The following GATAD1 variants were observed in gnomAD, a reference collection of about 807,000 sequenced individuals.
GATAD1 encodes the protein GATA zinc finger domain containing 1.
A neutral mutation model predicts 26.5 loss-of-function variants in GATAD1; 12 were observed. That is an observed-to-expected ratio of 0.45 (90% CI 0.29 to 0.73). GATAD1 has a LOEUF of 0.73. Ranked by LOEUF, GATAD1 falls within the 30% of genes least tolerant of loss-of-function variation. GATAD1 has a pLI of 0.10. For synonymous variants in GATAD1, 129 were observed against 133.1 expected (o/e 0.97, Z 0.21); for missense variants, 266 against 342.1 (o/e 0.78, Z 1.75).
chr7:92,466,859 C>G, the GATAD1 span, among the ~76,000 whole-genome samples: 1 of 152,116 alleles, frequency 6.6e-6, no homozygotes, highest in South Asian at 2.1e-4. Flanking sequence ...ACTTTTATAG[C>G]TTGGTGCAAG....
At chr7:92,462,136 G>A (rs530725252), downstream of GATAD1, among the ~76,000 whole-genome samples, 1 of 152,096 alleles carries the variant, frequency 6.6e-6, no homozygotes, top group Non-Finnish European at 1.5e-5. Context: ...GATTTAAAAT[G>A]TGGACCAAAA....
chr7:92,462,161 G>C (rs1789942449), downstream of GATAD1, among the ~76,000 whole-genome samples: 1 of 152,112 alleles, frequency 6.6e-6, no homozygotes, highest in African/African-American at 2.4e-5. Flanking sequence ...GGTATAAAAA[G>C]AAGTTGTTAA....
the GATAD1 span, chr7:92,492,856 G>T: frequency 1.1e-6 from 1 of 929,348 alleles, no homozygotes; most frequent in Non-Finnish European, 1.8e-6. Flanking sequence ...TTTTACCAAA[G>T]TTGTTTAAAA....
At chr7:92,480,390 C>T in the GATAD1 span, among the ~76,000 whole-genome samples, 14 of 148,226 alleles carry the variant, frequency 9.4e-5, no homozygotes, top group East Asian at 9.9e-4. Context: ...GGCAAATCCC[C>T]GAGCTTGATG....
At chr7:92,467,848 A>T in the GATAD1 span, among the ~76,000 whole-genome samples, 1 of 152,348 alleles carries the variant, frequency 6.6e-6, no homozygotes, top group Non-Finnish European at 1.5e-5. Context: ...TCAGGCAGAA[A>T]AACACCTAGG....
At chr7:92,453,768 G>A (rs923621125) in intron 3 of GATAD1, among the ~76,000 whole-genome samples, 1 of 152,206 alleles carries the variant, frequency 6.6e-6, no homozygotes, top group Non-Finnish European at 1.5e-5. Flanking sequence ...AGACAGTACA[G>A]AGAAAAGACT....
chr7:92,448,715 C>A (rs1789283928), intron 1 of GATAD1, 37 bp from the exon 2 acceptor site: 2 of 1,575,188 alleles, frequency 1.3e-6, no homozygotes, highest in Non-Finnish European at 1.7e-6. Flanking sequence ...CTTTTTACTT[C>A]TTTCTCTTTT....
the GATAD1 span, chr7:92,492,923 A>G: frequency 3.8e-6 from 6 of 1,568,620 alleles, no homozygotes; most frequent in Non-Finnish European, 5.3e-6. Flanking sequence ...CACTCATAAA[A>G]TGTCATAACA....
chr7:92,495,407 T>G, the GATAD1 span, among the ~76,000 whole-genome samples: 1 of 152,164 alleles, frequency 6.6e-6, no homozygotes, highest in African/African-American at 2.4e-5. Context: ...TATCTGCTAC[T>G]TGAATGTTTG....
At chr7:92,470,612 G>A in the GATAD1 span, 1 of 443,410 alleles carries the variant, frequency 2.3e-6, no homozygotes, top group Non-Finnish European at 4.1e-6. Context: ...GATGTATCTA[G>A]GGATGGGGAA....
chr7:92,453,071 G>T (rs553305736), intron 3 of GATAD1, among the ~76,000 whole-genome samples: 2 of 152,322 alleles, frequency 1.3e-5, no homozygotes, highest in South Asian at 4.1e-4. Context: ...TAGTGATCCA[G>T]ATGAAACAGC....
At chr7:92,453,285 A>G (rs1280183789) in intron 3 of GATAD1, among the ~76,000 whole-genome samples, 1 of 152,248 alleles carries the variant, frequency 6.6e-6, no homozygotes, top group Non-Finnish European at 1.5e-5. Context: ...CAAGGACAGT[A>G]TATCTTACCA....
At chr7:92,479,468 C>T in the GATAD1 span, among the ~76,000 whole-genome samples, 1 of 152,230 alleles carries the variant, frequency 6.6e-6, no homozygotes, top group African/African-American at 2.4e-5. Flanking sequence ...GGAATGTCAT[C>T]GGTTAAGGCA....
the GATAD1 span, among the ~76,000 whole-genome samples, chr7:92,483,998 C>T: frequency 3.9e-5 from 6 of 152,048 alleles, no homozygotes; most frequent in South Asian, 6.2e-4. Context: ...TGGGATGAGT[C>T]GCATTGGGAG....
intron 1 of GATAD1, 121 bp downstream of exon 1, chr7:92,448,099 A>G: frequency 1.5e-6 from 1 of 659,010 alleles, no homozygotes; most frequent in East Asian, 4.1e-5. Flanking sequence ...GCTGGCTGGA[A>G]CGCCCCTCCC....
chr7:92,450,522 A>C (rs1789382860), intron 2 of GATAD1, 179 bp from the exon 3 acceptor site: 1 of 545,940 alleles, frequency 1.8e-6, no homozygotes, highest in South Asian at 2.4e-5. Context: ...CAGAAATTGC[A>C]GTGGAAATAG....
the GATAD1 span, chr7:92,473,020 G>C: frequency 6.6e-6 from 1 of 152,222 alleles, no homozygotes; most frequent in Non-Finnish European, 1.5e-5. Flanking sequence ...AATAGATGGG[G>C]ACTATCCCTG....
the GATAD1 span, chr7:92,477,839 G>A: frequency 1.0e-4 from 17 of 167,874 alleles, no homozygotes; most frequent in East Asian, 1.4e-3. Context: ...AGCTCAGCTC[G>A]AGCCGTAAGA....
chr7:92,478,878 C>G, the GATAD1 span, among the ~76,000 whole-genome samples: 4 of 152,204 alleles, frequency 2.6e-5, no homozygotes, highest in Admixed American at 2.6e-4. Context: ...TGGCCCCCTC[C>G]AGATAATTCA....
Sources: allele counts gnomAD v4.1 joint callset (sites outside exome capture counted in the v4.1 genomes callset), GRCh38; gene constraint gnomAD v4.1.1; transcripts MANE v1.5; gene names NCBI Gene and HGNC (gene_info 2026-07-23, HGNC 2026-07-21).